The following STK32B variants were observed in gnomAD, a reference collection of about 807,000 sequenced individuals.
STK32B encodes serine/threonine kinase 32B.
A neutral mutation model predicts 52.6 loss-of-function variants in STK32B; 43 were observed. The observed-to-expected ratio is 0.82, with a 90% confidence interval of 0.64 to 1.05. The LOEUF is 1.05. STK32B is among the 50% of genes least tolerant of loss of function. The pLI is 0.00. For missense variants in STK32B, 621 were observed against 534.6 expected, an observed-to-expected ratio of 1.16 and a Z score of -1.59; for synonymous variants, 238 against 204.3, an observed-to-expected ratio of 1.17 and a Z score of -1.41.
intron 4 of STK32B, among the ~76,000 whole-genome samples, chr4:5,354,574 G>C (rs982897770): frequency 1.3e-5 from 2 of 152,166 alleles, no homozygotes; most frequent in Non-Finnish European, 2.9e-5. Flanking sequence ...CCCAATGGAA[G>C]GTGTGAGTTC....
chr4:5,405,214 G>A (rs1737578703), intron 5 of STK32B, among the ~76,000 whole-genome samples: 1 of 149,470 alleles, frequency 6.7e-6, no homozygotes. Flanking sequence ...GATAGAGGCA[G>A]ATTCACCACC....
intron 5 of STK32B, among the ~76,000 whole-genome samples, chr4:5,403,942 G>C (rs544551459): frequency 1.1e-4 from 17 of 151,602 alleles, no homozygotes; most frequent in Non-Finnish European, 2.5e-4. Context: ...AAGACTGTAA[G>C]GATAAGTACA....
chr4:5,483,067 T>G (rs191599179), intron 11 of STK32B, among the ~76,000 whole-genome samples: 16 of 152,074 alleles, frequency 1.1e-4, no homozygotes, highest in South Asian at 2.1e-4. Flanking sequence ...TTGTGTCTCT[T>G]CCCGGCTTTG....
At chr4:5,250,207 G>T (rs1725817239) in intron 3 of STK32B, among the ~76,000 whole-genome samples, 1 of 151,872 alleles carries the variant, frequency 6.6e-6, no homozygotes, top group African/African-American at 2.4e-5. Flanking sequence ...GAATAGTGCT[G>T]CAGTGAACAT....
At chr4:5,092,128 T>C (rs1411486727) in intron 1 of STK32B, among the ~76,000 whole-genome samples, 5 of 152,208 alleles carry the variant, frequency 3.3e-5, no homozygotes, top group African/African-American at 1.2e-4. Context: ...TGGAATTAGA[T>C]AGAGGTCCTG....
intron 3 of STK32B, among the ~76,000 whole-genome samples, chr4:5,329,316 C>A (rs1732076650): frequency 6.6e-6 from 1 of 152,172 alleles, no homozygotes. Flanking sequence ...CACTCCTGCC[C>A]ATCCATGTCA....
chr4:5,495,196 G>A (rs1365932326), intron 11 of STK32B, among the ~76,000 whole-genome samples: 1 of 152,178 alleles, frequency 6.6e-6, no homozygotes, highest in Non-Finnish European at 1.5e-5. Flanking sequence ...CGTTTTCCCT[G>A]TCACTTTCAG....
At chr4:5,286,180 C>G (rs1206444129) in intron 3 of STK32B, among the ~76,000 whole-genome samples, 1 of 152,186 alleles carries the variant, frequency 6.6e-6, no homozygotes, top group Non-Finnish European at 1.5e-5. Context: ...TTTATTATGG[C>G]AGTTCTAGCA....
Position 5,313,558 on chromosome 4 carries a change from T to C in STK32B, c.261-17662T>C, listed in dbSNP as rs191861785. Among the ~76,000 whole-genome samples, 4 of 151,992 alleles carry C rather than the reference T, an allele frequency of 2.6e-5. No homozygotes were observed. In the East Asian group the frequency reaches 7.7e-4, roughly 29 times the overall value. On this transcript the variant is annotated intron_variant, in intron 3 of 11. Transcript: ENST00000282908. Reference sequence around the variant, plus strand: ...GGCATATAGATTAGAAAAGAGAAAATAGAACTGTCTCTATTTTCAGATGGC... The same window carrying C: ...GGCATATAGATTAGAAAAGAGAAAACAGAACTGTCTCTATTTTCAGATGGC...
At chr4:5,093,765 C>T (rs1328694881) in intron 1 of STK32B, among the ~76,000 whole-genome samples, 1 of 152,022 alleles carries the variant, frequency 6.6e-6, no homozygotes. Context: ...GTTTGTTGCC[C>T]CTCTAAATGT....
rs1195843716 is a variant in STK32B at position 5,394,952 on chromosome 4, T to C, written c.435-3255T>C. Among the ~76,000 whole-genome samples the C allele has an allele frequency of 6.6e-6, 1 of 152,216 alleles. No homozygotes were observed. The highest frequency in any genetic ancestry group is 2.4e-5 in the African/African-American group (1 of 41,458). ...GGTGGGCTTAACTGGATCATCTGCA[T>C]AGGATCTCACAAAACTACAATCCAC... On this transcript the variant is annotated intron_variant, in intron 4 of 11. Transcript: ENST00000282908. This position sits in a 1 kb window ranked among gnomAD's most constrained non-coding sequence, Gnocchi z 4.2.
intron 6 of STK32B, among the ~76,000 whole-genome samples, chr4:5,418,976 A>C (rs990540373): frequency 6.6e-6 from 1 of 152,150 alleles, no homozygotes; most frequent in Non-Finnish European, 1.5e-5. Flanking sequence ...ATTCCAATCT[A>C]TCTTCATGAA....
chr4:5,451,519 A>G (rs1715991862), intron 7 of STK32B, among the ~76,000 whole-genome samples: 1 of 152,324 alleles, frequency 6.6e-6, no homozygotes, highest in Middle Eastern at 3.4e-3. Flanking sequence ...TCTGGGTTCA[A>G]ATCCTGACTT....
rs1320163644 is a variant in STK32B, at chr4:5,441,815, G to A, written c.563-4858G>A. ...TCTGGTATGTTGTGTCTTTGTTCTCGTTGGTTTCAAAGAACATCTTTATTT... is the reference window on the plus strand; with the variant it reads ...TCTGGTATGTTGTGTCTTTGTTCTCATTGGTTTCAAAGAACATCTTTATTT... On this transcript the variant is annotated intron_variant, in intron 6 of 11. Transcript: ENST00000282908. Among the ~76,000 whole-genome samples, 266 of 137,892 alleles carry A rather than the reference G, an allele frequency of 1.9e-3. 1 individual carries two copies. The South Asian group carries it at 0.025, about 13-fold the overall frequency. The allele number at this position is 137,892 out of a possible 152,430, so 90.5% of individuals were successfully genotyped here. A position where few individuals can be genotyped will look rare whatever the true frequency, so the allele number is the denominator to read the frequency against.
intron 4 of STK32B, among the ~76,000 whole-genome samples, chr4:5,366,851 A>G (rs1734910640): frequency 6.6e-6 from 1 of 152,180 alleles, no homozygotes; most frequent in Non-Finnish European, 1.5e-5. Context: ...AGTGTGTTAC[A>G]GGGTTCTACT....
At chr4:5,034,240 A>T in the STK32B span, among the ~76,000 whole-genome samples, 1 of 152,228 alleles carries the variant, frequency 6.6e-6, no homozygotes, top group Non-Finnish European at 1.5e-5. Flanking sequence ...TTGCAACTAC[A>T]GAATCAGTCT....
At chr4:5,041,866 G>A in the STK32B span, among the ~76,000 whole-genome samples, 1 of 151,686 alleles carries the variant, frequency 6.6e-6, no homozygotes, top group South Asian at 2.1e-4. Flanking sequence ...TTGAGTGCAA[G>A]CAGACGGTAT....
At chr4:5,122,397 T>TTCAC (rs1367599572) in intron 1 of STK32B, among the ~76,000 whole-genome samples, 6 of 151,436 alleles carry the variant, frequency 4.0e-5, no homozygotes, top group East Asian at 1.9e-4. Context: ...CACTCATTCA[T>TTCAC]TCACTCACTC....
chr4:5,168,969 G>A (rs1303919261), intron 3 of STK32B, among the ~76,000 whole-genome samples: 1 of 152,136 alleles, frequency 6.6e-6, no homozygotes, highest in African/African-American at 2.4e-5. Flanking sequence ...CACTTTAAAT[G>A]TGCATCCTAG....
Sources: gnomAD v4.1 joint callset for allele counts (sites outside exome capture counted in the v4.1 genomes callset) on GRCh38, gnomAD v4.1.1 for gene constraint, Gnocchi (gnomAD v3.1) non-coding constraint, MANE v1.5 for transcripts, NCBI Gene and HGNC (gene_info 2026-07-23, HGNC 2026-07-21) for gene names.